Variants in LIPI observed in about 807,000 individuals in gnomAD.
LIPI encodes lipase member I.
In LIPI, 59 loss-of-function variants were observed where a neutral mutation model predicts 50.6. The ratio of observed to expected loss-of-function variants is 1.16; its 90% CI spans 0.94 to 1.45. The LOEUF is 1.45. Among genes scored for constraint, LIPI ranks in the 40% most tolerant of loss-of-function variants. The pLI is 0.00. For synonymous variants in LIPI, 203 were observed against 178.2 expected (o/e 1.14, Z -1.11); for missense variants, 586 against 536.3 (o/e 1.09, Z -0.92).
chr21:14,118,388 C>T (rs2016735432), intron 9 of LIPI, among the ~76,000 whole-genome samples: 1 of 152,138 alleles, frequency 6.6e-6, no homozygotes, highest in African/African-American at 2.4e-5. Context: ...CCACAGTTAT[C>T]ACAGAAAAGA....
intron 9 of LIPI, among the ~76,000 whole-genome samples, chr21:14,119,525 C>T (rs1012202286): frequency 1.3e-5 from 2 of 152,148 alleles, no homozygotes; most frequent in Non-Finnish European, 2.9e-5. Context: ...GCTGGTTTCT[C>T]CCGTATATGG....
intron 9 of LIPI, among the ~76,000 whole-genome samples, chr21:14,129,453 AAT>A (rs746977119): frequency 6.6e-6 from 1 of 152,064 alleles, no homozygotes; most frequent in Non-Finnish European, 1.5e-5. Flanking sequence ...AGTTAGTGAA[AAT>A]ATGTGTTGTA....
chr21:14,122,706 A>G (rs2016910794), intron 9 of LIPI, among the ~76,000 whole-genome samples: 1 of 152,208 alleles, frequency 6.6e-6, no homozygotes, highest in African/African-American at 2.4e-5. Context: ...AAAAGCAAAG[A>G]TTGGTTGTGT....
intron 1 of LIPI, among the ~76,000 whole-genome samples, chr21:14,198,293 A>G (rs771987910): frequency 6.6e-6 from 1 of 152,124 alleles, no homozygotes; most frequent in Non-Finnish European, 1.5e-5. Context: ...TGTCAATGGG[A>G]TAAATGCCCC....
intron 9 of LIPI, among the ~76,000 whole-genome samples, chr21:14,125,621 G>A (rs1029259440): frequency 1.3e-5 from 2 of 152,272 alleles, no homozygotes; most frequent in East Asian, 1.9e-4. Flanking sequence ...GCAGTGGCGC[G>A]ATCTCTGCTC....
At chr21:14,166,889 G>A (rs1286735886) in intron 4 of LIPI, among the ~76,000 whole-genome samples, 1 of 152,234 alleles carries the variant, frequency 6.6e-6, no homozygotes, top group African/African-American at 2.4e-5. Flanking sequence ...CGCACCATGT[G>A]CAAGCCGAAG....
At chr21:14,115,213 C>T (rs1240253475) in intron 9 of LIPI, among the ~76,000 whole-genome samples, 1 of 152,144 alleles carries the variant, frequency 6.6e-6, no homozygotes, top group African/African-American at 2.4e-5. Flanking sequence ...TTCCTTGAGG[C>T]TCAGCGAGTT....
intron 9 of LIPI, among the ~76,000 whole-genome samples, chr21:14,137,481 T>C (rs2017542782): frequency 6.6e-6 from 1 of 151,980 alleles, no homozygotes; most frequent in East Asian, 1.9e-4. Context: ...AAAAGCAGAA[T>C]GGATATAGCA....
chr21:14,120,512 A>G (rs1385985442), intron 9 of LIPI, among the ~76,000 whole-genome samples: 1 of 152,244 alleles, frequency 6.6e-6, no homozygotes, highest in Admixed American at 6.5e-5. Flanking sequence ...CTCCAAAGGA[A>G]GTAGCAGTCT....
At chr21:14,110,764 C>T (rs1738488710) in intron 9 of LIPI, among the ~76,000 whole-genome samples, 1 of 151,768 alleles carries the variant, frequency 6.6e-6, no homozygotes, top group Non-Finnish European at 1.5e-5. Flanking sequence ...TTATACTTAA[C>T]ATAATGTCCT....
intron 1 of LIPI, among the ~76,000 whole-genome samples, chr21:14,207,914 C>G (rs1177655579): frequency 6.6e-6 from 1 of 152,302 alleles, no homozygotes; most frequent in African/African-American, 2.4e-5. Context: ...CAGCTATTAA[C>G]TGCATGTAGA....
At chr21:14,207,690 T>C (rs1403373887) in intron 1 of LIPI, among the ~76,000 whole-genome samples, 4 of 152,176 alleles carry the variant, frequency 2.6e-5, no homozygotes, top group African/African-American at 9.7e-5. Context: ...TGCATTTTTT[T>C]AAGTGGGTAA....
chr21:14,109,227 T>C, intron 9 of LIPI, 147 bp from the exon 10 acceptor site: 1 of 665,680 alleles, frequency 1.5e-6, no homozygotes, highest in South Asian at 1.7e-5. Context: ...ATATATGGGA[T>C]CATTTCCATT....
At position 14,189,082 on chromosome 21, in the gene LIPI, G is replaced by A. The variant is rs2019556416; in HGVS notation, c.384C>T (p.Asn128=). Residue 128 remains asparagine, a synonymous_variant, in exon 2 of 10, where the codon AAC becomes AAT. Coordinates refer to ENST00000681601, the MANE Select transcript of LIPI (RefSeq NM_001302998.2). The part of the protein sequence containing the change: ...TTFIYNRAVK[N]TRKVAVSLSV... ...TCAAACTCACAGCAACTTTTCTGGT[G>A]TTTTTAACTGCTCTATTATAAATAA... The A allele has an allele frequency of 8.1e-6, 13 of 1,610,550 alleles. No individual in the cohort carries two copies. The highest frequency in any genetic ancestry group is 1.1e-5 in the Non-Finnish European group (13 of 1,179,894).
chr21:14,210,899 G>A lies in LIPI; in HGVS notation c.-54C>T, dbSNP rs440287. 219,155 of 1,165,482 alleles carry A rather than the reference G, an allele frequency of 0.19. 22,106 individuals are homozygous for A. Among genetic ancestry groups the A allele is most frequent in the South Asian group, 0.22 (12,818 of 58,228 alleles). The allele number at this position is 1,165,482 out of a possible 1,614,324, so 72.2% of individuals were successfully genotyped here. On this transcript the variant is annotated 5_prime_UTR_variant, in exon 1 of 10. It adds an upstream start codon to the 5' untranslated region. Coordinates refer to ENST00000681601, the MANE Select transcript of LIPI (RefSeq NM_001302998.2). ...CTCAATTCACCAAAAAGGAAATTCC[G>A]TAACTCATTGAGGTTTCTCTTTGGT...
intron 3 of LIPI, 123 bp downstream of exon 3, chr21:14,185,838 G>A (rs565877448): frequency 5.2e-5 from 32 of 616,458 alleles, no homozygotes; most frequent in Admixed American, 4.6e-4. Context: ...AGCCGAGATC[G>A]CACCACTGCA....
chr21:14,139,934 C>G (rs368029799), intron 9 of LIPI, among the ~76,000 whole-genome samples: 3 of 152,136 alleles, frequency 2.0e-5, no homozygotes, highest in East Asian at 3.9e-4. Context: ...GTAGTCAAGG[C>G]GTTGAAATTG....
intron 7 of LIPI, among the ~76,000 whole-genome samples, chr21:14,154,589 A>C (rs1169440886): frequency 1.3e-5 from 2 of 152,058 alleles, no homozygotes; most frequent in Non-Finnish European, 2.9e-5. Context: ...TGGAAGGAAA[A>C]TACTACAGGA....
intron 1 of LIPI, among the ~76,000 whole-genome samples, chr21:14,205,136 C>T (rs753572712): frequency 1.4e-4 from 21 of 151,536 alleles, no homozygotes; most frequent in Non-Finnish European, 2.8e-4. Flanking sequence ...TAAACATATG[C>T]TTAGTCTCCT....
Sources: allele counts gnomAD v4.1 joint callset (sites outside exome capture counted in the v4.1 genomes callset), GRCh38; gene constraint gnomAD v4.1.1; transcripts MANE v1.5; gene names NCBI Gene and HGNC (gene_info 2026-07-23, HGNC 2026-07-21).